Variants in PPP1R13B observed in about 807,000 individuals in gnomAD.
PPP1R13B encodes apoptosis-stimulating of p53 protein 1.
A neutral mutation model predicts 119.8 loss-of-function variants in PPP1R13B; 44 were observed. The observed-to-expected ratio is 0.37, with a 90% CI of 0.29 to 0.47. PPP1R13B has a LOEUF of 0.47. Ranked by LOEUF, PPP1R13B falls within the 20% of genes least tolerant of loss-of-function variation. The probability of loss-of-function intolerance (pLI) is 0.99; values close to 1 mark genes in which losing one functional copy is unlikely to be tolerated. For synonymous variants in PPP1R13B, 542 were observed against 561.5 expected, an observed-to-expected ratio of 0.97 and a Z score of 0.49; for missense variants, 1,227 against 1,413.5, an observed-to-expected ratio of 0.87 and a Z score of 2.12.
intron 4 of PPP1R13B, among the ~76,000 whole-genome samples, chr14:103,777,150 G>A (rs370571558): frequency 2.6e-5 from 4 of 151,428 alleles, no homozygotes; most frequent in African/African-American, 4.9e-5. Context: ...ATGCCACCAC[G>A]ACCAGCTAAT....
chr14:103,846,093 T>C (rs2087024464), intron 1 of PPP1R13B, among the ~76,000 whole-genome samples: 1 of 152,226 alleles, frequency 6.6e-6, no homozygotes, highest in Admixed American at 6.5e-5. Context: ...GATCTTCTGA[T>C]GCTCATCCAA....
intron 1 of PPP1R13B, among the ~76,000 whole-genome samples, chr14:103,799,674 C>T (rs1335290126): frequency 6.7e-6 from 1 of 150,112 alleles, no homozygotes; most frequent in Non-Finnish European, 1.5e-5. Flanking sequence ...CATCTTAAGA[C>T]ATCATATTGG....
intron 3 of PPP1R13B, among the ~76,000 whole-genome samples, chr14:103,782,481 G>A (rs1169668689): frequency 6.6e-6 from 1 of 152,168 alleles, no homozygotes; most frequent in African/African-American, 2.4e-5. Context: ...ACAGCTTTAG[G>A]ATAAATTCTC....
intron 1 of PPP1R13B, among the ~76,000 whole-genome samples, chr14:103,830,631 T>C (rs926257979): frequency 6.6e-6 from 1 of 152,176 alleles, no homozygotes; most frequent in Non-Finnish European, 1.5e-5. Context: ...ACAAACCAAG[T>C]ATTCATAACT....
chr14:103,795,528 C>T (rs116612445), intron 2 of PPP1R13B, among the ~76,000 whole-genome samples: 2,436 of 152,190 alleles, frequency 0.016, 59 homozygotes, highest in East Asian at 0.11. Context: ...ATGAGAGAGA[C>T]AAGCATTCTC....
chr14:103,798,148 A>T, intron 1 of PPP1R13B, among the ~76,000 whole-genome samples: 2 of 127,630 alleles, frequency 1.6e-5, no homozygotes, highest in Non-Finnish European at 3.3e-5. Context: ...AAATATAATA[A>T]TCTCTTTTTT....
chr14:103,749,838 G>A lies in PPP1R13B; in HGVS notation c.925C>T (p.Arg309Ter). Residue 309 changes from arginine to a stop codon, truncating the protein, a stop_gained, in exon 8 of 17, where the codon CGA becomes TGA. Transcript: ENST00000202556. LOFTEE classifies it high-confidence loss of function. Reference protein sequence around the residue: ...RNMEVAMMDKRISELRERLYG... With the variant: ...RNMEVAMMDK ...AGACGTTCACGCAGTTCACTGATTCGCTTGTCCATCATGGCCACCTCCATG... is the reference window on the plus strand; with the variant it reads ...AGACGTTCACGCAGTTCACTGATTCACTTGTCCATCATGGCCACCTCCATG... 2 of 1,613,898 alleles carry A rather than the reference G, an allele frequency of 1.2e-6. No individual in the cohort carries two copies. The highest frequency in any genetic ancestry group is 1.7e-6 in the Non-Finnish European group (2 of 1,179,958).
In PPP1R13B at chr14:103,738,734, C is replaced by A; in HGVS notation, c.2809G>T (p.Val937Leu). The change falls in exon 14 of 17, where the codon GTG (valine) becomes TTG (leucine). Residue 937 changes from valine (V) to leucine (L), a missense_variant. Coordinates refer to ENST00000202556, the MANE Select transcript of PPP1R13B (RefSeq NM_015316.3). This position sits in a 1 kb window ranked among gnomAD's most constrained non-coding sequence, Gnocchi z 5.6. ...NAVCAGHHHI[V>L]KFLLDFGVNV... is the part of the protein sequence containing the mutation. ...ACACCAAAATCCAGCAGGAACTTCA[C>A]GATGTGATGGTGGCCGGCGCAGACG... 2 of 1,614,236 alleles carry A rather than the reference C, an allele frequency of 1.2e-6. No individual in the cohort carries two copies. The highest frequency in any genetic ancestry group is 1.7e-6 in the Non-Finnish European group (2 of 1,180,048).
intron 1 of PPP1R13B, among the ~76,000 whole-genome samples, chr14:103,822,883 A>G (rs1461533399): frequency 1.3e-5 from 2 of 152,196 alleles, no homozygotes; most frequent in African/African-American, 4.8e-5. Flanking sequence ...CATTTATGAC[A>G]TGCAAATGAA....
chr14:103,775,911 G>C (rs2085175931), intron 4 of PPP1R13B, among the ~76,000 whole-genome samples: 1 of 151,998 alleles, frequency 6.6e-6, no homozygotes, highest in Non-Finnish European at 1.5e-5. Context: ...TTCTCCCTGA[G>C]TGGCAGAAGG....
chr14:103,760,678 T>C (rs903950574), intron 4 of PPP1R13B, among the ~76,000 whole-genome samples: 3 of 151,764 alleles, frequency 2.0e-5, no homozygotes, highest in African/African-American at 7.3e-5. Flanking sequence ...ACCTGAACTC[T>C]GGGTTCCAGG....
chr14:103,842,363 CA>C lies in PPP1R13B; in HGVS notation c.9+4935del, dbSNP rs548640185. On this transcript the variant is annotated intron_variant, in intron 1 of 16. Coordinates refer to ENST00000202556, the MANE Select transcript of PPP1R13B (RefSeq NM_015316.3). ...TGTCACCCAGGCTGGAGTGCAGTGG[CA>C]CTGTCTCGGCTCACTGCAACCTCCG... Among the ~76,000 whole-genome samples the C allele has an allele frequency of 7.0e-5, 10 of 141,994 alleles. No homozygotes were observed. In the South Asian group the frequency reaches 1.8e-3, roughly 26 times the overall value. The allele number at this position is 141,994 out of a possible 152,430, so 93.2% of individuals were successfully genotyped here.
intron 16 of PPP1R13B, among the ~76,000 whole-genome samples, 186 bp from the exon 17 acceptor site, chr14:103,735,381 A>C (rs1431667979): frequency 6.6e-6 from 1 of 151,944 alleles, no homozygotes; most frequent in African/African-American, 2.4e-5. Flanking sequence ...TGTGCCTTGT[A>C]CCCCCAGAAT....
At position 103,734,905 on chromosome 14, in the gene PPP1R13B, GTATT is replaced by G. The variant is rs2084054930; in HGVS notation, c.*245_*248del. Reference sequence around the variant, plus strand: ...AGAGGGGTGGGTGTTTTGAAAGTGGGTATTTATTTGGATTTATAGTAATTGGCAA... The same window carrying G: ...AGAGGGGTGGGTGTTTTGAAAGTGGGTATTTGGATTTATAGTAATTGGCAA... On this transcript the variant is annotated 3_prime_UTR_variant, in exon 17 of 17. Transcript: ENST00000202556. 2 of 630,534 alleles carry G rather than the reference GTATT, an allele frequency of 3.2e-6. No homozygotes were observed. The highest frequency in any genetic ancestry group is 4.3e-5 in the Admixed American group (2 of 46,678). The allele number at this position is 630,534 out of a possible 1,614,324, so 39.1% of individuals were successfully genotyped here. A position where few individuals can be genotyped will look rare whatever the true frequency, so the allele number is the denominator to read the frequency against.
At chr14:103,789,526 T>C (rs74957991) in intron 2 of PPP1R13B, among the ~76,000 whole-genome samples, 148 of 149,662 alleles carry the variant, frequency 9.9e-4, no homozygotes, top group African/African-American at 3.5e-3. Context: ...AATTTTTTAT[T>C]TTTTGAGATG....
At chr14:103,735,226 G>A (rs1311739219) in intron 16 of PPP1R13B, 31 bp from the exon 17 acceptor site, 1 of 1,613,004 alleles carries the variant, frequency 6.2e-7, no homozygotes, top group African/African-American at 1.3e-5. Flanking sequence ...GTCAGGACAG[G>A]AAGCCACACA....
At chr14:103,767,371 G>A (rs2084961621) in intron 4 of PPP1R13B, among the ~76,000 whole-genome samples, 2 of 151,780 alleles carry the variant, frequency 1.3e-5, no homozygotes, top group South Asian at 4.2e-4. Flanking sequence ...AAGAAAAACT[G>A]GATGCCTTTT....
intron 9 of PPP1R13B, 36 bp downstream of exon 9, chr14:103,746,337 A>C (rs772379363): frequency 5.7e-6 from 6 of 1,058,094 alleles, no homozygotes; most frequent in Non-Finnish European, 7.0e-6. Flanking sequence ...CCCTGCTCAC[A>C]AACTCTCCCC....
intron 1 of PPP1R13B, among the ~76,000 whole-genome samples, chr14:103,838,340 T>C (rs191568655): frequency 3.5e-4 from 54 of 152,250 alleles, no homozygotes; most frequent in African/African-American, 1.2e-3. Context: ...TGTCAATCAC[T>C]GGGCTAAACG....
Sources: allele counts gnomAD v4.1 joint callset (sites outside exome capture counted in the v4.1 genomes callset), GRCh38; gene constraint gnomAD v4.1.1; non-coding constraint Gnocchi (gnomAD v3.1); transcripts MANE v1.5; gene names NCBI Gene and HGNC (gene_info 2026-07-23, HGNC 2026-07-21).